CFTR: variants seen among roughly 807,000 people sequenced by gnomAD.
CFTR encodes cystic fibrosis transmembrane conductance regulator.
A neutral mutation model predicts 171.6 loss-of-function variants in CFTR; 181 were observed. That is an observed-to-expected ratio of 1.05 (90% CI 0.93 to 1.19). CFTR has a LOEUF of 1.19. CFTR is among the 50% of genes most tolerant of loss of function. The pLI is 0.00. For synonymous variants in CFTR, 583 were observed against 608.0 expected, an observed-to-expected ratio of 0.96 and a Z score of 0.60; for missense variants, 1,968 against 1,734.7, an observed-to-expected ratio of 1.13 and a Z score of -2.39.
intron 11 of CFTR, among the ~76,000 whole-genome samples, chr7:117,565,382 A>G (rs181680972): frequency 1.2e-3 from 184 of 152,324 alleles, no homozygotes; most frequent in African/African-American, 4.1e-3. Flanking sequence ...ACAATACCGC[A>G]GTCTACCACG....
At chr7:117,536,730 AAT>A in intron 7 of CFTR, 57 bp downstream of exon 7, 2 of 1,438,528 alleles carry the variant, frequency 1.4e-6, no homozygotes, top group East Asian at 2.3e-5. Context: ...ATTTTTTAAA[AAT>A]ATGTTTATCA....
intron 24 of CFTR, among the ~76,000 whole-genome samples, chr7:117,659,329 C>T (rs1334456425): frequency 6.6e-6 from 1 of 152,210 alleles, no homozygotes; most frequent in African/African-American, 2.4e-5. Flanking sequence ...TTGTCCATGT[C>T]CCCCACTGGA....
chr7:117,549,501 C>T (rs542386552), intron 10 of CFTR, among the ~76,000 whole-genome samples: 1 of 152,150 alleles, frequency 6.6e-6, no homozygotes, highest in South Asian at 2.1e-4. Context: ...AAGAATATAA[C>T]CCATTGTGTA....
chr7:117,626,271 T>G (rs887305360), intron 21 of CFTR, among the ~76,000 whole-genome samples: 1 of 152,104 alleles, frequency 6.6e-6, no homozygotes, highest in African/African-American at 2.4e-5. Context: ...CTCCTCTGCT[T>G]TATCCACCAA....
chr7:117,577,382 T>A (rs892201762), intron 11 of CFTR, among the ~76,000 whole-genome samples: 1 of 152,146 alleles, frequency 6.6e-6, no homozygotes, highest in Non-Finnish European at 1.5e-5. Context: ...CGTGACATGA[T>A]CAGCTTGAAT....
chr7:117,584,304 G>T (rs1791895849), intron 11 of CFTR, among the ~76,000 whole-genome samples: 1 of 152,008 alleles, frequency 6.6e-6, no homozygotes, highest in Non-Finnish European at 1.5e-5. Context: ...TATGTTTTCT[G>T]GTCTTAGATT....
chr7:117,664,669 C>G lies in CFTR; in HGVS notation c.3964-19C>G, dbSNP rs1287431604. Reference sequence around the variant, plus strand: ...TGTTTTTAACTCTGTGGTATCTGAACTATCTTCTCTAACTGCAGGTTGGGC... The same window carrying G: ...TGTTTTTAACTCTGTGGTATCTGAAGTATCTTCTCTAACTGCAGGTTGGGC... On this transcript the variant is annotated intron_variant, in intron 24 of 26. Transcript: ENST00000003084. The G allele has an allele frequency of 1.2e-6, 2 of 1,611,718 alleles. No homozygotes were observed. The highest frequency in any genetic ancestry group is 4.5e-5 in the East Asian group (2 of 44,850).
Position 117,611,686 on chromosome 7 carries a change from T to C in CFTR, c.3245T>C (p.Leu1082Pro). Residue 1082 changes from leucine (L) to proline (P), a missense_variant, in exon 20 of 27, where the codon CTG becomes CCG. Coordinates refer to ENST00000003084, the MANE Select transcript of CFTR (RefSeq NM_000492.4). ...TTTGAAACTCTGTTCCACAAAGCTC[T>C]GAATTTACATACTGCCAACTGGTTC... ...PYFETLFHKA[L>P]NLHTANWFLY... 1 of 1,613,506 alleles carries C rather than the reference T, an allele frequency of 6.2e-7. No homozygotes were observed. Among genetic ancestry groups the C allele is most frequent in the South Asian group, 1.1e-5 (1 of 91,060 alleles).
intron 24 of CFTR, 59 bp from the exon 25 acceptor site, chr7:117,664,629 T>C (rs1333484304): frequency 1.4e-6 from 2 of 1,479,296 alleles, no homozygotes; most frequent in Non-Finnish European, 1.9e-6. Context: ...ATTTTTAGAA[T>C]GTCAACTGCT....
In CFTR at chr7:117,509,041, G is replaced by A. The variant is rs397508285; in HGVS notation, c.172G>A (p.Asp58Asn). 1 of 1,603,778 alleles carries A rather than the reference G, an allele frequency of 6.2e-7. No individual in the cohort carries two copies. Among genetic ancestry groups the A allele is most frequent in the South Asian group, 1.1e-5 (1 of 90,878 alleles). ...CTTTTTATTCTTTTGCAGAGAATGG[G>A]ATAGAGAGCTGGCTTCAAAGAAAAA... ...NLSEKLEREWDRELASKKNPK... is the reference protein window; with the variant it reads ...NLSEKLEREWNRELASKKNPK... Residue 58 changes from aspartate (D) to asparagine (N), a missense_variant, in exon 3 of 27, where the codon GAT (aspartate) becomes AAT (asparagine). Transcript: ENST00000003084.
chr7:117,663,922 T>G (rs1456299459), intron 24 of CFTR, among the ~76,000 whole-genome samples: 1 of 152,164 alleles, frequency 6.6e-6, no homozygotes, highest in East Asian at 1.9e-4. Context: ...ATATCTCATT[T>G]GCATTTTCAA....
At chr7:117,495,318 G>A (rs2116623789) in intron 1 of CFTR, among the ~76,000 whole-genome samples, 1 of 152,260 alleles carries the variant, frequency 6.6e-6, no homozygotes, top group African/African-American at 2.4e-5. Flanking sequence ...CTCTGAGGAT[G>A]CTTCTCTAAA....
chr7:117,547,610 A>G (rs1799168460), intron 9 of CFTR, among the ~76,000 whole-genome samples: 1 of 152,142 alleles, frequency 6.6e-6, no homozygotes, highest in Admixed American at 6.6e-5. Flanking sequence ...GGACATGTAG[A>G]TTGCCTTAGG....
chr7:117,492,662 C>A (rs543346156), intron 1 of CFTR, among the ~76,000 whole-genome samples: 3 of 152,042 alleles, frequency 2.0e-5, no homozygotes, highest in South Asian at 2.1e-4. Flanking sequence ...TTAAAAAAAA[C>A]ACAAGATCTA....
chr7:117,520,565 C>T (rs1281969764), intron 3 of CFTR, among the ~76,000 whole-genome samples: 1 of 151,620 alleles, frequency 6.6e-6, no homozygotes, highest in East Asian at 1.9e-4. Flanking sequence ...ATTAAAATGC[C>T]GTATTTTATA....
Position 117,530,943 on chromosome 7 carries a change from A to G in CFTR, c.318A>G (p.Ile106Met). The change falls in exon 4 of 27, where the codon ATA (isoleucine) becomes ATG (methionine). Residue 106 changes from isoleucine to methionine, a missense_variant. Ile to Met is a conservative substitution (Grantham distance 10). Transcript: ENST00000003084. ...AGCCTCTCTTACTGGGAAGAATCAT[A>G]GCTTCCTATGACCCGGATAACAAGG... ...AVQPLLLGRI[I>M]ASYDPDNKEE... is the part of the protein sequence containing the mutation. The G allele has an allele frequency of 6.2e-7, 1 of 1,613,768 alleles. No individual in the cohort carries two copies.
At chr7:117,482,500 TAAGA>T (rs1798013374) in intron 1 of CFTR, among the ~76,000 whole-genome samples, 1 of 152,048 alleles carries the variant, frequency 6.6e-6, no homozygotes, top group African/African-American at 2.4e-5. Context: ...AAACATAATC[TAAGA>T]GAGAATTTCA....
chr7:117,591,092 C>T (rs213969), intron 13 of CFTR, among the ~76,000 whole-genome samples: 147,567 of 152,200 alleles, frequency 0.97, 71,546 homozygotes, highest in East Asian at 1. Flanking sequence ...AAAATAAAGA[C>T]TTTAAGCAAT....
chr7:117,540,431 C>G, intron 8 of CFTR, 85 bp downstream of exon 8: 1 of 1,306,218 alleles, frequency 7.7e-7, no homozygotes, highest in Non-Finnish European at 1.1e-6. Flanking sequence ...CAAAAATGTG[C>G]GAAAAGATAG....
Sources: allele counts gnomAD v4.1 joint callset (sites outside exome capture counted in the v4.1 genomes callset), GRCh38; gene constraint gnomAD v4.1.1; transcripts MANE v1.5; gene names NCBI Gene and HGNC (gene_info 2026-07-23, HGNC 2026-07-21).